BMP7: variants seen among roughly 807,000 people sequenced by gnomAD.
The protein encoded by BMP7 is osteogenic protein 1.
A neutral mutation model predicts 41.2 loss-of-function variants in BMP7; 12 were observed. The observed-to-expected ratio is 0.29, with a 90% CI of 0.19 to 0.47. The LOEUF is 0.47. BMP7 is among the 20% of genes least tolerant of loss of function. The probability of loss-of-function intolerance (pLI) is 0.99; values close to 1 mark genes in which losing one functional copy is unlikely to be tolerated. For missense variants in BMP7, 467 were observed against 606.0 expected, an observed-to-expected ratio of 0.77 and a Z score of 2.41; for synonymous variants, 248 against 250.0, an observed-to-expected ratio of 0.99 and a Z score of 0.07.
At chr20:57,254,014 TTCC>T (rs2066124061) in intron 1 of BMP7, among the ~76,000 whole-genome samples, 2 of 139,236 alleles carry the variant, frequency 1.4e-5, no homozygotes, top group Admixed American at 1.6e-4. Context: ...TTTGGTTTCT[TTCC>T]TTTTTTTTTT....
chr20:57,170,679 C>T lies in BMP7; in HGVS notation c.*280G>A, dbSNP rs1983795785. On this transcript the variant is annotated 3_prime_UTR_variant, in exon 7 of 7. Transcript: ENST00000395863. Reference sequence around the variant, plus strand: ...TCCGTGCATGGCTGAGACTTCCCAGCCAATGACCTGGCCCGGCCATTTTTC... The same window carrying T: ...TCCGTGCATGGCTGAGACTTCCCAGTCAATGACCTGGCCCGGCCATTTTTC... 2.4e-6 allele frequency: 1 copy of T among 408,648 alleles called. No individual in the cohort carries two copies. Among genetic ancestry groups the T allele is most frequent in the Non-Finnish European group, 4.6e-6 (1 of 217,248 alleles). The allele number at this position is 408,648 out of a possible 1,614,324, so 25.3% of individuals were successfully genotyped here.
At chr20:57,180,447 C>G (rs1984053170) in intron 4 of BMP7, among the ~76,000 whole-genome samples, 1 of 152,146 alleles carries the variant, frequency 6.6e-6, no homozygotes, top group African/African-American at 2.4e-5. Flanking sequence ...ACCCAGAGCT[C>G]TCAGCTCGCT....
intron 1 of BMP7, among the ~76,000 whole-genome samples, chr20:57,245,334 GGT>G (rs2066085821): frequency 6.6e-6 from 1 of 151,706 alleles, no homozygotes; most frequent in Non-Finnish European, 1.5e-5. Context: ...ACAAAAAAGT[GGT>G]GTTTTTTTTT....
chr20:57,175,073 T>G, intron 4 of BMP7, 66 bp from the exon 5 acceptor site: 2 of 1,470,926 alleles, frequency 1.4e-6, no homozygotes, highest in African/African-American at 1.4e-5. Context: ...CACATCAAAG[T>G]TCCCTCCATC....
chr20:57,197,167 T>A (rs1253554412), intron 3 of BMP7, among the ~76,000 whole-genome samples: 1 of 152,026 alleles, frequency 6.6e-6, no homozygotes, highest in Non-Finnish European at 1.5e-5. Context: ...CCCAAAGTGT[T>A]GGGATTATAG....
At chr20:57,233,940 G>C (rs1330319554) in intron 1 of BMP7, among the ~76,000 whole-genome samples, 2 of 152,190 alleles carry the variant, frequency 1.3e-5, no homozygotes, top group African/African-American at 4.8e-5. Context: ...TTACAAACAC[G>C]AGAAAACAGA....
rs6014964 is a variant in BMP7, at chr20:57,249,631, G to C, written c.418+16074C>G. Among the ~76,000 whole-genome samples, 410 of 152,274 alleles carry C rather than the reference G, an allele frequency of 2.7e-3. 2 individuals carry two copies. Among genetic ancestry groups the C allele is most frequent in the African/African-American group, 9.6e-3 (397 of 41,564 alleles). On this transcript the variant is annotated intron_variant, in intron 1 of 6. Transcript: ENST00000395863. ...ATGTTTGAAATGTGAAGGTACTCAGGGAAGTGTATAGTCTTGGATATGAGG... is the reference window on the plus strand; with the variant it reads ...ATGTTTGAAATGTGAAGGTACTCAGCGAAGTGTATAGTCTTGGATATGAGG...
At chr20:57,195,900 G>A (rs1984480239) in intron 3 of BMP7, among the ~76,000 whole-genome samples, 1 of 152,184 alleles carries the variant, frequency 6.6e-6, no homozygotes, top group African/African-American at 2.4e-5. Context: ...AACAAAGATG[G>A]GGTGCAGGAG....
chr20:57,243,490 A>T (rs565789113), intron 1 of BMP7, among the ~76,000 whole-genome samples: 159 of 152,232 alleles, frequency 1.0e-3, no homozygotes, highest in African/African-American at 3.6e-3. Flanking sequence ...AAAAATAATT[A>T]AAAAAATTAA....
In BMP7 at chr20:57,174,842, T is replaced by C. The variant is rs750204032; in HGVS notation, c.1035+89A>G. 152 of 1,406,660 alleles carry C rather than the reference T, an allele frequency of 1.1e-4. No homozygotes were observed. The highest frequency in any genetic ancestry group is 2.4e-4 in the Middle Eastern group (1 of 4,240). The allele number at this position is 1,406,660 out of a possible 1,614,324, so 87.1% of individuals were successfully genotyped here. ...ATACTGGAGTCTTAACTGGCAGAGA[T>C]GAGAAACAAGACTGAGCACAGACCC... On this transcript the variant is annotated intron_variant, in intron 5 of 6. Coordinates refer to ENST00000395863, the MANE Select transcript of BMP7 (RefSeq NM_001719.3). The surrounding 1 kb of genome is among the most constrained non-coding windows in gnomAD (Gnocchi z 4.3).
chr20:57,199,946 C>T (rs1056028126), intron 3 of BMP7, among the ~76,000 whole-genome samples: 2 of 152,228 alleles, frequency 1.3e-5, no homozygotes, highest in Non-Finnish European at 2.9e-5. Context: ...GACAGGGACA[C>T]AGCATCTAAT....
At chr20:57,199,672 T>C (rs1321638896) in intron 3 of BMP7, among the ~76,000 whole-genome samples, 1 of 152,208 alleles carries the variant, frequency 6.6e-6, no homozygotes, top group Non-Finnish European at 1.5e-5. Flanking sequence ...ACAGCCATGA[T>C]GTCTCGAAAA....
Position 57,174,305 on chromosome 20 carries a change from G to C in BMP7, c.1035+626C>G, listed in dbSNP as rs1389753298. Among the ~76,000 whole-genome samples the C allele has an allele frequency of 2.6e-5, 4 of 152,298 alleles. No homozygotes were observed. Among genetic ancestry groups the C allele is most frequent in the Middle Eastern group, 6.8e-3 (2 of 294 alleles). On this transcript the variant is annotated intron_variant, in intron 5 of 6. Coordinates refer to ENST00000395863, the MANE Select transcript of BMP7 (RefSeq NM_001719.3). This position sits in a 1 kb window ranked among gnomAD's most constrained non-coding sequence, Gnocchi z 4.3. ...CGCTGCATCTCCAATCCAGTACCTA[G>C]AACAGGGCCCAGAACGCTGCAGATG...
chr20:57,229,449 T>C (rs2426701), intron 1 of BMP7, among the ~76,000 whole-genome samples: 38,559 of 152,020 alleles, frequency 0.25, 6,041 homozygotes, highest in African/African-American at 0.43. Flanking sequence ...GTCCATTTCA[T>C]AGATGATAAG....
At chr20:57,250,610 C>A (rs1221071946) in intron 1 of BMP7, among the ~76,000 whole-genome samples, 1 of 150,646 alleles carries the variant, frequency 6.6e-6, no homozygotes, top group Admixed American at 6.6e-5. Flanking sequence ...AATGCCACCC[C>A]ACTAAGTCTG....
chr20:57,192,755 G>GA (rs201804411), intron 3 of BMP7, among the ~76,000 whole-genome samples: 6,085 of 133,072 alleles, frequency 0.046, 158 homozygotes, highest in African/African-American at 0.077. Context: ...AGCAGATTTT[G>GA]AAAAAAAAAA....
chr20:57,203,527 G>A (rs1984669579), intron 2 of BMP7, among the ~76,000 whole-genome samples: 1 of 152,082 alleles, frequency 6.6e-6, no homozygotes. Flanking sequence ...GCGGGTAGGT[G>A]AATGAGTGGA....
At chr20:57,183,323 T>C (rs1170638032) in intron 4 of BMP7, among the ~76,000 whole-genome samples, 6 of 152,208 alleles carry the variant, frequency 3.9e-5, no homozygotes, top group African/African-American at 1.4e-4. Context: ...TTTTCATTTA[T>C]GAAATAAAGA....
chr20:57,171,208 A>T lies in BMP7; in HGVS notation c.1147-100T>A. Reference sequence around the variant, plus strand: ...AGAAACATCCTGTCTGGGCATAATGAATGACTGCAGGTGACACTCCCCAAG... The same window carrying T: ...AGAAACATCCTGTCTGGGCATAATGTATGACTGCAGGTGACACTCCCCAAG... On this transcript the variant is annotated intron_variant, in intron 6 of 6. Coordinates refer to ENST00000395863, the MANE Select transcript of BMP7 (RefSeq NM_001719.3). The surrounding 1 kb of genome is among the most constrained non-coding windows in gnomAD (Gnocchi z 4.5). 1 of 1,536,376 alleles carries T rather than the reference A, an allele frequency of 6.5e-7. No homozygotes were observed. The highest frequency in any genetic ancestry group is 8.9e-7 in the Non-Finnish European group (1 of 1,118,826).
Sources: allele counts gnomAD v4.1 joint callset (sites outside exome capture counted in the v4.1 genomes callset), GRCh38; gene constraint gnomAD v4.1.1; non-coding constraint Gnocchi (gnomAD v3.1); transcripts MANE v1.5; gene names NCBI Gene and HGNC (gene_info 2026-07-23, HGNC 2026-07-21).